Variants in RBFOX1 observed in about 807,000 individuals in gnomAD.
RBFOX1 encodes the protein RNA binding protein fox-1 homolog 1.
In RBFOX1, 8 loss-of-function variants were observed where a neutral mutation model predicts 57.7. That is an observed-to-expected ratio of 0.14 (90% CI 0.08 to 0.25). The LOEUF is 0.25. RBFOX1 is among the 10% of genes least tolerant of loss of function. The probability of loss-of-function intolerance (pLI) is 1.00; values close to 1 mark genes in which losing one functional copy is unlikely to be tolerated. For synonymous variants in RBFOX1, 326 were observed against 222.4 expected, an observed-to-expected ratio of 1.47 and a Z score of -4.15; for missense variants, 611 against 548.5, an observed-to-expected ratio of 1.11 and a Z score of -1.14.
At chr16:7,007,374 T>C (rs2093362870) in intron 3 of RBFOX1, among the ~76,000 whole-genome samples, 1 of 152,204 alleles carries the variant, frequency 6.6e-6, no homozygotes, top group Non-Finnish European at 1.5e-5. Flanking sequence ...CTGGAGAAAG[T>C]CTTGTGTTTT....
chr16:5,272,633 G>C (rs8060883), intron 1 of RBFOX1, among the ~76,000 whole-genome samples: 26,949 of 152,118 alleles, frequency 0.18, 2,637 homozygotes, highest in Middle Eastern at 0.27. Context: ...AACACTTACA[G>C]CAAGAATTAA....
At chr16:7,118,175 A>G (rs2066329023) in intron 4 of RBFOX1, among the ~76,000 whole-genome samples, 1 of 152,130 alleles carries the variant, frequency 6.6e-6, no homozygotes, top group Non-Finnish European at 1.5e-5. Flanking sequence ...ACTGTTTGCC[A>G]TAGAGGTTGT....
At chr16:5,451,072 A>T (rs2068413192) in intron 1 of RBFOX1, among the ~76,000 whole-genome samples, 1 of 152,198 alleles carries the variant, frequency 6.6e-6, no homozygotes, top group African/African-American at 2.4e-5. Flanking sequence ...GGAATGGCAG[A>T]TATACACTCA....
intron 1 of RBFOX1, among the ~76,000 whole-genome samples, chr16:5,417,548 C>G (rs2151477906): frequency 6.6e-6 from 1 of 152,262 alleles, no homozygotes; most frequent in East Asian, 1.9e-4. Flanking sequence ...TCGTGGATTT[C>G]TTACCCCTGG....
intron 2 of RBFOX1, among the ~76,000 whole-genome samples, chr16:6,623,272 A>T (rs1315935519): frequency 6.6e-6 from 1 of 152,096 alleles, no homozygotes; most frequent in Admixed American, 6.6e-5. Flanking sequence ...GCTAACCTGG[A>T]ATTTGAAAGG....
chr16:6,850,131 C>A (rs988956776), intron 3 of RBFOX1, among the ~76,000 whole-genome samples: 3 of 152,168 alleles, frequency 2.0e-5, no homozygotes, highest in Admixed American at 6.5e-5. Flanking sequence ...AGTAAACTTA[C>A]AAGTTCCTGC....
At chr16:7,091,903 A>G (rs928277058) in intron 4 of RBFOX1, among the ~76,000 whole-genome samples, 8 of 152,212 alleles carry the variant, frequency 5.3e-5, no homozygotes, top group African/African-American at 1.9e-4. Flanking sequence ...GTCTTGGATC[A>G]TCATGCCAGT....
intron 2 of RBFOX1, among the ~76,000 whole-genome samples, chr16:6,498,610 C>A (rs2095837827): frequency 6.6e-6 from 1 of 152,034 alleles, no homozygotes; most frequent in African/African-American, 2.4e-5. Context: ...AACAGGTGAG[C>A]AATATACAAT....
chr16:6,107,290 C>T (rs139873511), intron 1 of RBFOX1, among the ~76,000 whole-genome samples: 6 of 152,172 alleles, frequency 3.9e-5, no homozygotes, highest in African/African-American at 1.4e-4. Context: ...TTGGAGTCTT[C>T]CTTTCACTAC....
At chr16:5,285,346 A>T (rs1428183429) in intron 1 of RBFOX1, among the ~76,000 whole-genome samples, 1 of 145,972 alleles carries the variant, frequency 6.9e-6, no homozygotes. Context: ...TCTCATTCAG[A>T]TCATGAATTG....
chr16:6,561,116 T>G (rs1202579941), intron 2 of RBFOX1, among the ~76,000 whole-genome samples: 24 of 152,170 alleles, frequency 1.6e-4, no homozygotes. Context: ...TCTATGAACT[T>G]TGATATTTGT....
intron 2 of RBFOX1, among the ~76,000 whole-genome samples, chr16:6,642,049 T>G (rs2098495721): frequency 6.6e-6 from 1 of 152,120 alleles, no homozygotes; most frequent in Admixed American, 6.6e-5. Flanking sequence ...TTGAAACAGT[T>G]TGCATGCTGT....
intron 2 of RBFOX1, among the ~76,000 whole-genome samples, chr16:5,511,741 C>G (rs2043600395): frequency 6.6e-6 from 1 of 152,170 alleles, no homozygotes; most frequent in African/African-American, 2.4e-5. Context: ...TGGCCTGATT[C>G]CAGCATTGAA....
intron 3 of RBFOX1, among the ~76,000 whole-genome samples, chr16:6,926,599 G>C (rs1380079151): frequency 6.6e-6 from 1 of 152,208 alleles, no homozygotes; most frequent in Non-Finnish European, 1.5e-5. Flanking sequence ...CTAGTTGCAT[G>C]CTGGGGCTGT....
At chr16:5,933,301 G>T (rs1387471479) in intron 4 of RBFOX1, among the ~76,000 whole-genome samples, 1 of 152,172 alleles carries the variant, frequency 6.6e-6, no homozygotes, top group Non-Finnish European at 1.5e-5. Context: ...AAGTCAAGGG[G>T]AGTCAATTGA....
intron 4 of RBFOX1, among the ~76,000 whole-genome samples, chr16:7,433,768 A>C (rs1204050592): frequency 1.3e-5 from 2 of 152,182 alleles, no homozygotes; most frequent in African/African-American, 4.8e-5. Context: ...CCAGTCATCT[A>C]ACTATCCATC....
chr16:7,277,519 T>C (rs1218558098), intron 4 of RBFOX1, among the ~76,000 whole-genome samples: 1 of 152,160 alleles, frequency 6.6e-6, no homozygotes, highest in Non-Finnish European at 1.5e-5. Flanking sequence ...TAGCTAGTGG[T>C]AATTGAACCT....
intron 3 of RBFOX1, among the ~76,000 whole-genome samples, chr16:5,861,866 C>T (rs1226139129): frequency 6.6e-6 from 1 of 152,134 alleles, no homozygotes; most frequent in African/African-American, 2.4e-5. Context: ...GGAAAGAGGT[C>T]AGGAAAGAAA....
intron 2 of RBFOX1, among the ~76,000 whole-genome samples, chr16:6,591,978 G>A (rs569973168): frequency 2.6e-5 from 4 of 152,266 alleles, no homozygotes; most frequent in African/African-American, 9.6e-5. Flanking sequence ...TCTACTGTGG[G>A]CTGTATGACT....
Sources: gnomAD v4.1 joint callset for allele counts (sites outside exome capture counted in the v4.1 genomes callset) on GRCh38, gnomAD v4.1.1 for gene constraint, MANE v1.5 for transcripts, NCBI Gene and HGNC (gene_info 2026-07-23, HGNC 2026-07-21) for gene names.